Variants in ST8SIA5 observed in about 807,000 individuals in gnomAD.
ST8SIA5 encodes the protein ST8 alpha-N-acetyl-neuraminide alpha-2,8-sialyltransferase 5.
A neutral mutation model predicts 40.2 loss-of-function variants in ST8SIA5; 24 were observed. The ratio of observed to expected loss-of-function variants is 0.60; its 90% CI spans 0.43 to 0.84. The LOEUF (loss-of-function observed/expected upper bound fraction) is 0.84. Among genes scored for constraint, ST8SIA5 ranks in the 40% least tolerant of loss-of-function variants. The pLI is 0.00. For synonymous variants in ST8SIA5, 198 were observed against 201.8 expected (o/e 0.98, Z 0.16); for missense variants, 465 against 498.5 (o/e 0.93, Z 0.64).
intron 1 of ST8SIA5, among the ~76,000 whole-genome samples, chr18:46,712,441 G>A (rs1057506501): frequency 1.3e-5 from 2 of 152,180 alleles, no homozygotes; most frequent in Admixed American, 1.3e-4. Context: ...CCCCCTGGGG[G>A]AGTCTCTCTG....
At chr18:46,692,047 C>G (rs2039510765) in intron 3 of ST8SIA5, 122 bp downstream of exon 3, 4 of 992,848 alleles carry the variant, frequency 4.0e-6, no homozygotes, top group Non-Finnish European at 6.3e-6. Context: ...TAAGCCCAGT[C>G]AGGGTCTGCT....
At chr18:46,692,943 A>G (rs1046847247) in intron 2 of ST8SIA5, among the ~76,000 whole-genome samples, 1 of 143,506 alleles carries the variant, frequency 7.0e-6, no homozygotes, top group African/African-American at 2.6e-5. Flanking sequence ...GCCTGCCAGA[A>G]TTATTCAAAC....
chr18:46,689,100 C>A, intron 3 of ST8SIA5, 181 bp from the exon 4 acceptor site: 1 of 621,238 alleles, frequency 1.6e-6, no homozygotes, highest in Non-Finnish European at 2.6e-6. Flanking sequence ...CACACACATC[C>A]CCACCCTGCA....
intron 1 of ST8SIA5, among the ~76,000 whole-genome samples, chr18:46,739,148 G>C (rs572048172): frequency 1.3e-5 from 2 of 152,204 alleles, no homozygotes. Flanking sequence ...AGACCAGAAA[G>C]AGAAGCAGGA....
At chr18:46,689,436 C>A (rs1348010534) in intron 3 of ST8SIA5, among the ~76,000 whole-genome samples, 1 of 152,194 alleles carries the variant, frequency 6.6e-6, no homozygotes, top group Non-Finnish European at 1.5e-5. Flanking sequence ...CTGCTCTGCC[C>A]CGACCAGTTG....
intron 2 of ST8SIA5, among the ~76,000 whole-genome samples, chr18:46,699,526 C>A (rs996586902): frequency 8.5e-5 from 13 of 152,064 alleles, no homozygotes; most frequent in African/African-American, 3.1e-4. Flanking sequence ...AATACAGGCG[C>A]CTGCTACTAC....
chr18:46,700,465 G>C (rs1273162500), intron 2 of ST8SIA5, among the ~76,000 whole-genome samples: 1 of 152,158 alleles, frequency 6.6e-6, no homozygotes, highest in Non-Finnish European at 1.5e-5. Flanking sequence ...GAAGCCCCCG[G>C]GTCCCAAGAT....
At chr18:46,726,427 A>G (rs182166961) in intron 1 of ST8SIA5, among the ~76,000 whole-genome samples, 1 of 152,144 alleles carries the variant, frequency 6.6e-6, no homozygotes, top group East Asian at 1.9e-4. Flanking sequence ...GGGCAAAATC[A>G]AGTGCTTAAA....
At chr18:46,723,439 C>A (rs2039882946) in intron 1 of ST8SIA5, among the ~76,000 whole-genome samples, 1 of 152,066 alleles carries the variant, frequency 6.6e-6, no homozygotes, top group African/African-American at 2.4e-5. Context: ...GTAGTCCCAG[C>A]TACTTGGGCG....
intron 1 of ST8SIA5, among the ~76,000 whole-genome samples, chr18:46,723,533 G>C (rs958791421): frequency 6.6e-6 from 1 of 152,186 alleles, no homozygotes; most frequent in African/African-American, 2.4e-5. Flanking sequence ...GCCTGAGCAA[G>C]AGAGTGAGAC....
At chr18:46,741,764 C>A (rs1473554822) in intron 1 of ST8SIA5, among the ~76,000 whole-genome samples, 1 of 152,174 alleles carries the variant, frequency 6.6e-6, no homozygotes, top group East Asian at 1.9e-4. Context: ...AAACTACACA[C>A]CATTCAATAG....
intron 1 of ST8SIA5, among the ~76,000 whole-genome samples, chr18:46,718,571 C>T (rs757339465): frequency 6.6e-6 from 1 of 152,052 alleles, no homozygotes; most frequent in Non-Finnish European, 1.5e-5. Flanking sequence ...CTTTGTAGTG[C>T]TGTTTGGAGT....
intron 1 of ST8SIA5, among the ~76,000 whole-genome samples, chr18:46,707,317 C>T (rs1239126245): frequency 1.3e-5 from 2 of 152,214 alleles, no homozygotes; most frequent in Non-Finnish European, 2.9e-5. Flanking sequence ...CTTGCAGACA[C>T]ATCTCGGATA....
chr18:46,728,933 G>T (rs962210134), intron 1 of ST8SIA5, among the ~76,000 whole-genome samples: 4 of 152,086 alleles, frequency 2.6e-5, no homozygotes, highest in Non-Finnish European at 4.4e-5. Flanking sequence ...TTCCAAGACT[G>T]CCCACGACCC....
chr18:46,689,261 G>A (rs961032716), intron 3 of ST8SIA5, among the ~76,000 whole-genome samples: 10 of 152,178 alleles, frequency 6.6e-5, no homozygotes, highest in Non-Finnish European at 1.3e-4. Flanking sequence ...TTTCCATGAA[G>A]CCCCACCCAG....
At chr18:46,745,156 C>T (rs1345251051) in intron 1 of ST8SIA5, among the ~76,000 whole-genome samples, 1 of 152,074 alleles carries the variant, frequency 6.6e-6, no homozygotes, top group Non-Finnish European at 1.5e-5. Flanking sequence ...ATTCAAAGAA[C>T]TAGAGAAGCA....
At chr18:46,703,619 G>A (rs538815638) in intron 2 of ST8SIA5, among the ~76,000 whole-genome samples, 81 of 152,154 alleles carry the variant, frequency 5.3e-4, no homozygotes, top group Non-Finnish European at 7.6e-4. Flanking sequence ...ACATCAGATG[G>A]GTAAAGGAAC....
chr18:46,755,270 A>T (rs1410762308), intron 1 of ST8SIA5, among the ~76,000 whole-genome samples: 1 of 152,172 alleles, frequency 6.6e-6, no homozygotes, highest in Admixed American at 6.5e-5. Flanking sequence ...CCCATACCTG[A>T]TGTATCCACC....
At chr18:46,740,247 C>T (rs993949365) in intron 1 of ST8SIA5, among the ~76,000 whole-genome samples, 26 of 152,078 alleles carry the variant, frequency 1.7e-4, no homozygotes, top group African/African-American at 6.3e-4. Flanking sequence ...TCATGCTTCC[C>T]TTGTAATGGC....
Sources: gnomAD v4.1 joint callset for allele counts (sites outside exome capture counted in the v4.1 genomes callset) on GRCh38, gnomAD v4.1.1 for gene constraint, MANE v1.5 for transcripts, NCBI Gene and HGNC (gene_info 2026-07-23, HGNC 2026-07-21) for gene names.